FAXC: variants seen among roughly 807,000 people sequenced by gnomAD.
FAXC encodes failed axon connections homolog.
A neutral mutation model predicts 41.9 loss-of-function variants in FAXC; 10 were observed. That is an observed-to-expected ratio of 0.24 (90% confidence interval 0.15 to 0.41). The LOEUF is 0.41. Ranked by LOEUF, FAXC falls within the 10% of genes least tolerant of loss-of-function variation. FAXC has a pLI of 1.00. For synonymous variants in FAXC, 183 were observed against 183.8 expected (o/e 1.00, Z 0.03); for missense variants, 399 against 510.9 (o/e 0.78, Z 2.11).
At chr6:99,348,222 T>C (rs1327975766) in intron 1 of FAXC, among the ~76,000 whole-genome samples, 1 of 152,228 alleles carries the variant, frequency 6.6e-6, no homozygotes, top group Non-Finnish European at 1.5e-5. Context: ...TATTGAAAAC[T>C]GGGCTTCTGG....
At chr6:99,328,266 G>T (rs537287076) in intron 3 of FAXC, among the ~76,000 whole-genome samples, 1 of 152,332 alleles carries the variant, frequency 6.6e-6, no homozygotes, top group East Asian at 1.9e-4. Context: ...GTTGGTATGT[G>T]GAGGTGGGGC....
At chr6:99,320,910 T>C (rs1185243371) in intron 4 of FAXC, among the ~76,000 whole-genome samples, 1 of 152,244 alleles carries the variant, frequency 6.6e-6, no homozygotes. Context: ...TGCCCCAGCC[T>C]GACTTGTGCA....
intron 4 of FAXC, 136 bp from the exon 5 acceptor site, chr6:99,291,956 C>A: frequency 1.4e-6 from 1 of 692,164 alleles, no homozygotes; most frequent in Admixed American, 2.3e-5. Flanking sequence ...ACATGCACAC[C>A]CTTTTGCTTA....
chr6:99,309,479 A>C (rs1301902496), intron 4 of FAXC, among the ~76,000 whole-genome samples: 1 of 152,240 alleles, frequency 6.6e-6, no homozygotes, highest in South Asian at 2.1e-4. Context: ...TAATCAACAT[A>C]GTTTTACCAA....
At chr6:99,344,894 T>C (rs900430637) in intron 1 of FAXC, among the ~76,000 whole-genome samples, 5 of 152,228 alleles carry the variant, frequency 3.3e-5, no homozygotes, top group African/African-American at 4.8e-5. Context: ...TTGGGCCATG[T>C]CATGGTAAGA....
At chr6:99,334,736 T>C (rs573737484) in intron 2 of FAXC, 6 of 234,586 alleles carry the variant, frequency 2.6e-5, no homozygotes, top group African/African-American at 1.4e-4. Context: ...CTGTTTACAA[T>C]GCAAATGAGA....
chr6:99,333,285 T>A, intron 3 of FAXC, 66 bp downstream of exon 3: 1 of 1,343,456 alleles, frequency 7.4e-7, no homozygotes, highest in Non-Finnish European at 1.0e-6. Context: ...GGAAAGAGGA[T>A]CTGAAAAGTG....
At chr6:99,327,944 C>T (rs1190915130) in intron 3 of FAXC, among the ~76,000 whole-genome samples, 1 of 152,192 alleles carries the variant, frequency 6.6e-6, no homozygotes, top group Non-Finnish European at 1.5e-5. Flanking sequence ...GGTCCCCTGA[C>T]ATCCCCTCAA....
At chr6:99,346,769 A>G (rs976890562) in intron 1 of FAXC, among the ~76,000 whole-genome samples, 12 of 151,886 alleles carry the variant, frequency 7.9e-5, no homozygotes, top group African/African-American at 2.2e-4. Context: ...AGATCCTACT[A>G]CTCTTACTGT....
chr6:99,289,687 ATATG>A (rs760087574), intron 5 of FAXC, among the ~76,000 whole-genome samples: 103 of 70,016 alleles, frequency 1.5e-3, no homozygotes, highest in African/African-American at 7.8e-3. Flanking sequence ...GTACATATGT[ATATG>A]TGTGTGTGTG....
At chr6:99,296,685 G>T (rs1055229086) in intron 4 of FAXC, among the ~76,000 whole-genome samples, 13 of 152,120 alleles carry the variant, frequency 8.5e-5, no homozygotes, top group African/African-American at 3.1e-4. Context: ...GGTTCCCGCA[G>T]TGACCCGACA....
intron 4 of FAXC, among the ~76,000 whole-genome samples, chr6:99,305,358 G>A (rs1266545455): frequency 6.6e-6 from 1 of 152,138 alleles, no homozygotes; most frequent in Non-Finnish European, 1.5e-5. Flanking sequence ...GAGCACCCCG[G>A]TGATGAATTA....
chr6:99,348,962 A>C (rs1773691899), intron 1 of FAXC, 145 bp downstream of exon 1: 1 of 745,716 alleles, frequency 1.3e-6, no homozygotes, highest in Non-Finnish European at 2.2e-6. Flanking sequence ...GTGACCACAA[A>C]TGCCTTTAGG....
chr6:99,303,174 C>T (rs1446706390), intron 4 of FAXC, among the ~76,000 whole-genome samples: 1 of 152,132 alleles, frequency 6.6e-6, no homozygotes, highest in Admixed American at 6.5e-5. Context: ...CTATTTGGTA[C>T]CTATATGCCC....
At chr6:99,338,072 T>C (rs1156362213) in intron 2 of FAXC, among the ~76,000 whole-genome samples, 2 of 152,164 alleles carry the variant, frequency 1.3e-5, no homozygotes, top group Non-Finnish European at 2.9e-5. Flanking sequence ...ACTAAGGGAA[T>C]GGGAATCAAG....
At chr6:99,306,720 T>C (rs962799802) in intron 4 of FAXC, among the ~76,000 whole-genome samples, 2 of 152,226 alleles carry the variant, frequency 1.3e-5, no homozygotes, top group East Asian at 1.9e-4. Flanking sequence ...CTAGACTAGG[T>C]TGAAATTTAA....
At chr6:99,340,407 T>C (rs1773382070) in intron 2 of FAXC, among the ~76,000 whole-genome samples, 1 of 151,932 alleles carries the variant, frequency 6.6e-6, no homozygotes, top group Non-Finnish European at 1.5e-5. Context: ...GCCTAATATT[T>C]TTAAAATATA....
intron 4 of FAXC, among the ~76,000 whole-genome samples, chr6:99,297,945 G>A (rs1426482688): frequency 6.6e-6 from 1 of 152,152 alleles, no homozygotes; most frequent in Admixed American, 6.5e-5. Context: ...GAGTAGTCTA[G>A]CAGCACCAGC....
chr6:99,335,530 A>T (rs555332434), intron 2 of FAXC, among the ~76,000 whole-genome samples: 1 of 152,322 alleles, frequency 6.6e-6, no homozygotes, highest in African/African-American at 2.4e-5. Flanking sequence ...TATTTAGGAA[A>T]GTTTTAGGCT....
Sources: allele counts gnomAD v4.1 joint callset (sites outside exome capture counted in the v4.1 genomes callset), GRCh38; gene constraint gnomAD v4.1.1; transcripts MANE v1.5; gene names NCBI Gene and HGNC (gene_info 2026-07-23, HGNC 2026-07-21).